Variants in MTMR7 observed in about 807,000 individuals in gnomAD.
MTMR7 encodes the protein phosphatidylinositol-3-phosphate phosphatase MTMR7.
MTMR7 carries 76 observed loss-of-function variants against 81.2 expected under a neutral mutation model. The observed-to-expected ratio is 0.94, with a 90% CI of 0.78 to 1.13. The LOEUF is 1.13. Ranked by LOEUF, MTMR7 falls within the 50% of genes most tolerant of loss-of-function variation. The pLI, the probability that MTMR7 is intolerant of heterozygous loss-of-function variation, is 0.00. For synonymous variants in MTMR7, 372 were observed against 289.8 expected, an observed-to-expected ratio of 1.28 and a Z score of -2.88; for missense variants, 1,044 against 820.0, an observed-to-expected ratio of 1.27 and a Z score of -3.34.
intron 1 of MTMR7, among the ~76,000 whole-genome samples, chr8:17,373,686 T>C (rs1244540002): frequency 6.6e-6 from 1 of 152,206 alleles, no homozygotes; most frequent in Non-Finnish European, 1.5e-5. Flanking sequence ...TTAAGGCTCT[T>C]TGCTTCCATA....
intron 1 of MTMR7, among the ~76,000 whole-genome samples, chr8:17,386,176 G>A (rs1027897121): frequency 5.3e-5 from 8 of 152,138 alleles, no homozygotes; most frequent in Non-Finnish European, 1.2e-4. Flanking sequence ...AGGAGTTAGA[G>A]ACCAGTCCAG....
intron 1 of MTMR7, among the ~76,000 whole-genome samples, chr8:17,392,701 G>C (rs1821140725): frequency 6.6e-6 from 1 of 152,218 alleles, no homozygotes; most frequent in South Asian, 2.1e-4. Flanking sequence ...TCCAAAGTCT[G>C]GGTGTGAACT....
At chr8:17,323,413 G>C (rs1317738049) in intron 7 of MTMR7, among the ~76,000 whole-genome samples, 1 of 152,060 alleles carries the variant, frequency 6.6e-6, no homozygotes, top group Middle Eastern at 3.2e-3. Flanking sequence ...AGGATGAACA[G>C]GAACCAAACT....
At chr8:17,363,303 G>C (rs993276320) in intron 3 of MTMR7, among the ~76,000 whole-genome samples, 1 of 152,192 alleles carries the variant, frequency 6.6e-6, no homozygotes, top group African/African-American at 2.4e-5. Context: ...GATGCCAAAG[G>C]AATCTCTTGA....
At chr8:17,354,946 G>C (rs559073832) in intron 4 of MTMR7, among the ~76,000 whole-genome samples, 1 of 151,600 alleles carries the variant, frequency 6.6e-6, no homozygotes, top group African/African-American at 2.4e-5. Flanking sequence ...AAAACAGTTT[G>C]TTCCTTGTTA....
chr8:17,357,781 G>C (rs1407997447), intron 4 of MTMR7, among the ~76,000 whole-genome samples: 8 of 152,150 alleles, frequency 5.3e-5, no homozygotes, highest in Admixed American at 5.2e-4. Context: ...GGAACATCTG[G>C]GAAATTAACT....
rs1819649788 is a variant in MTMR7 at position 17,349,073 on chromosome 8, G to C, written c.477C>G (p.Asp159Glu). The C allele has an allele frequency of 1.2e-6, 2 of 1,611,544 alleles. No individual in the cohort carries two copies. The highest frequency in any genetic ancestry group is 1.7e-6 in the Non-Finnish European group (2 of 1,179,530). The change falls in exon 5 of 14, where the codon GAC (aspartate) becomes GAG (glutamate). Residue 159 changes from aspartate to glutamate, a missense_variant. Asp to Glu is a conservative substitution (Grantham distance 45). Coordinates refer to ENST00000180173, the MANE Select transcript of MTMR7 (RefSeq NM_004686.5). Reference sequence around the variant, plus strand: ...GAACGTACAGTTCAGTAGGATAAGAGTCACAGACCTGTCACCAGAAAATAC... The same window carrying C: ...GAACGTACAGTTCAGTAGGATAAGACTCACAGACCTGTCACCAGAAAATAC... The part of the protein sequence containing the change: ...SDVNRDYRVC[D>E]SYPTELYVPK...
At chr8:17,361,837 TG>T (rs1820070197) in intron 3 of MTMR7, among the ~76,000 whole-genome samples, 1 of 152,238 alleles carries the variant, frequency 6.6e-6, no homozygotes. Flanking sequence ...GTAATTGTGC[TG>T]CTCATTTGCA....
At position 17,377,334 on chromosome 8, in the gene MTMR7, G is replaced by A. The variant is rs938061104; in HGVS notation, c.25-4094C>T. Among the ~76,000 whole-genome samples, 45 of 152,030 alleles carry A rather than the reference G, an allele frequency of 3.0e-4. 1 individual carries two copies. The highest frequency in any genetic ancestry group is 3.3e-4 in the Admixed American group (5 of 15,252). ...TAATACCTTTACAAATTATCTTACT[G>A]CAGATTTTCAAATTTTTACAATCTT... On this transcript the variant is annotated intron_variant, in intron 1 of 13. Transcript: ENST00000180173.
In MTMR7 at chr8:17,299,683, A is replaced by G. The variant is rs1816971412; in HGVS notation, c.*179T>C. On this transcript the variant is annotated 3_prime_UTR_variant, in exon 14 of 14. Transcript: ENST00000180173. ...CTTATATTTGATAAATGAAATGACT[A>G]CGTCCTCTTCAGTATCTAAGAAATC... 2 of 746,360 alleles carry G rather than the reference A, an allele frequency of 2.7e-6. No individual in the cohort carries two copies. The highest frequency in any genetic ancestry group is 4.0e-5 in the South Asian group (2 of 50,212). The allele number at this position is 746,360 out of a possible 1,614,324, so 46.2% of individuals were successfully genotyped here.
intron 9 of MTMR7, among the ~76,000 whole-genome samples, chr8:17,309,737 T>C (rs963710211): frequency 3.3e-5 from 5 of 152,184 alleles, no homozygotes; most frequent in Non-Finnish European, 7.3e-5. Context: ...CCCAGGTCTC[T>C]CCACTTCAAA....
chr8:17,372,308 C>G (rs900026155), intron 2 of MTMR7, among the ~76,000 whole-genome samples: 1 of 152,158 alleles, frequency 6.6e-6, no homozygotes, highest in Admixed American at 6.5e-5. Context: ...AGGCCACACA[C>G]GGTGGCTCAT....
At chr8:17,379,362 G>A (rs746317649) in intron 1 of MTMR7, among the ~76,000 whole-genome samples, 8 of 152,196 alleles carry the variant, frequency 5.3e-5, no homozygotes, top group Non-Finnish European at 1.0e-4. Flanking sequence ...CCCCGGAGCA[G>A]CAAGAGCCAC....
chr8:17,308,165 T>C (rs558633195), intron 10 of MTMR7, among the ~76,000 whole-genome samples: 10 of 152,186 alleles, frequency 6.6e-5, no homozygotes, highest in African/African-American at 2.2e-4. Context: ...AAATAAACTT[T>C]ACTGCAAATC....
rs1320740992 is a variant in MTMR7 at position 17,305,777 on chromosome 8, T to C, written c.1332A>G (p.Gln444=). 3 of 1,612,476 alleles carry C rather than the reference T, an allele frequency of 1.9e-6. No individual in the cohort carries two copies. The change falls in exon 11 of 14, where the codon CAA becomes CAG. Residue 444 remains glutamine, a synonymous_variant. Transcript: ENST00000180173. ...CQFGNFLCNS[Q]KERRELKIQE... ...CTTACTTGAGTTCTCGTCTCTCCTT[T>C]TGGCTGTTACATAGGAAGTTTCCAA...
chr8:17,346,582 T>G (rs1819557451), intron 5 of MTMR7, among the ~76,000 whole-genome samples: 1 of 152,090 alleles, frequency 6.6e-6, no homozygotes, highest in African/African-American at 2.4e-5. Flanking sequence ...AAAAATTCTC[T>G]TTCTGAGACA....
At chr8:17,341,604 A>C in intron 5 of MTMR7, 107 bp from the exon 6 acceptor site, 3 of 1,352,616 alleles carry the variant, frequency 2.2e-6, no homozygotes, top group Admixed American at 2.4e-5. Flanking sequence ...CTGATAGTCC[A>C]CCTCGGCTTA....
chr8:17,329,050 C>G (rs1301752638), intron 7 of MTMR7, among the ~76,000 whole-genome samples: 1 of 152,196 alleles, frequency 6.6e-6, no homozygotes, highest in Non-Finnish European at 1.5e-5. Flanking sequence ...AACAATTTTA[C>G]TTTTCTGTTA....
In MTMR7 at chr8:17,312,988, G is replaced by A. The variant is rs576127417; in HGVS notation, c.975+304C>T. On this transcript the variant is annotated intron_variant, in intron 8 of 13. Coordinates refer to ENST00000180173, the MANE Select transcript of MTMR7 (RefSeq NM_004686.5). ...GTAAGCCCCAAGCCCCATCACTGAA[G>A]TAACTCACATTTGGTTGTATTCTAC... Among the ~76,000 whole-genome samples, 4 of 152,284 alleles carry A rather than the reference G, an allele frequency of 2.6e-5. No homozygotes were observed. In the South Asian group the frequency reaches 6.2e-4, roughly 24 times the overall value.
Sources: gnomAD v4.1 joint callset for allele counts (sites outside exome capture counted in the v4.1 genomes callset) on GRCh38, gnomAD v4.1.1 for gene constraint, MANE v1.5 for transcripts, NCBI Gene and HGNC (gene_info 2026-07-23, HGNC 2026-07-21) for gene names.